ABCA8: variants seen among roughly 807,000 people sequenced by gnomAD.
ABCA8 encodes the protein ABC-type organic anion transporter ABCA8.
A neutral mutation model predicts 192.3 loss-of-function variants in ABCA8; 177 were observed. The observed-to-expected ratio is 0.92, with a 90% confidence interval of 0.81 to 1.04. ABCA8 has a LOEUF of 1.04. ABCA8 is among the 50% of genes least tolerant of loss of function. ABCA8 has a pLI of 0.00. For missense variants in ABCA8, 1,915 were observed against 1,904.8 expected, an observed-to-expected ratio of 1.01 and a Z score of -0.10; for synonymous variants, 642 against 690.2, an observed-to-expected ratio of 0.93 and a Z score of 1.09.
intron 17 of ABCA8, among the ~76,000 whole-genome samples, chr17:68,915,791 A>G (rs1413896367): frequency 1.3e-5 from 2 of 152,194 alleles, no homozygotes; most frequent in Non-Finnish European, 2.9e-5. Flanking sequence ...CCCCAAAGAA[A>G]GGAAATCAAT....
chr17:68,903,568 G>T, intron 19 of ABCA8, 69 bp from the exon 20 acceptor site: 2 of 1,479,570 alleles, frequency 1.4e-6, no homozygotes, highest in Non-Finnish European at 1.9e-6. Context: ...GCTCTGCTAA[G>T]CATCTCATGA....
In ABCA8 at chr17:68,875,826, A is replaced by G. The variant is rs1001501684; in HGVS notation, c.4371-93T>C. 26 of 1,403,078 alleles carry G rather than the reference A, an allele frequency of 1.9e-5. No homozygotes were observed. In the Admixed American group the frequency reaches 5.9e-4, roughly 32 times the overall value. 86.9% of individuals were successfully genotyped at this position (1,403,078 alleles called of 1,614,324 possible). ...GAATTTTTAACTGGCATGCGTGTGAATAATTAGCAAAAAGAGATTAAGTAA... is the reference window on the plus strand; with the variant it reads ...GAATTTTTAACTGGCATGCGTGTGAGTAATTAGCAAAAAGAGATTAAGTAA... On this transcript the variant is annotated intron_variant, in intron 35 of 39. Coordinates refer to ENST00000586539, the MANE Select transcript of ABCA8 (RefSeq NM_001288985.2).
At chr17:68,927,127 A>T (rs2067723538) in intron 10 of ABCA8, among the ~76,000 whole-genome samples, 1 of 152,070 alleles carries the variant, frequency 6.6e-6, no homozygotes, top group Non-Finnish European at 1.5e-5. Flanking sequence ...GGCGTGTGGC[A>T]CACATCTGTA....
Position 68,942,058 on chromosome 17 carries a change from A to AG in ABCA8, c.-5-20_-5-19insC. 2.6e-6 allele frequency: 4 copies of AG among 1,547,728 alleles called. No individual in the cohort carries two copies. Among genetic ancestry groups the AG allele is most frequent in the Non-Finnish European group, 3.5e-6 (4 of 1,131,864 alleles). On this transcript the variant is annotated intron_variant, in intron 2 of 39. Coordinates refer to ENST00000586539, the MANE Select transcript of ABCA8 (RefSeq NM_001288985.2). ...ATCTTGTCTTGTTTAATGAAAAAGAAAGAAGATAAAATTAATATGAAGTTC... is the reference window on the plus strand; with the variant it reads ...ATCTTGTCTTGTTTAATGAAAAAGAAGAGAAGATAAAATTAATATGAAGTTC...
Position 68,898,929 on chromosome 17 carries a change from A to G in ABCA8, c.2764+3784T>C, listed in dbSNP as rs2066834838. ...TACATTGGTACAATTATTACTCAGT[A>G]TGATTTCATATCTTTTAAAGAAGCT... On this transcript the variant is annotated intron_variant, in intron 21 of 39. Transcript: ENST00000586539. Among the ~76,000 whole-genome samples, 8 of 152,264 alleles carry G rather than the reference A, an allele frequency of 5.3e-5. No homozygotes were observed. The South Asian group carries it at 1.7e-3, about 32-fold the overall frequency.
chr17:68,877,703 G>A, intron 32 of ABCA8, 24 bp from the exon 33 acceptor site: 1 of 1,600,196 alleles, frequency 6.2e-7, no homozygotes. Context: ...TTCCCTCTCA[G>A]AACCTACCTT....
At chr17:68,885,060 C>A in intron 27 of ABCA8, 136 bp downstream of exon 27, 1 of 1,175,042 alleles carries the variant, frequency 8.5e-7, no homozygotes, top group Non-Finnish European at 1.2e-6. Context: ...GGGAGAAAAT[C>A]AATTGGATTC....
intron 7 of ABCA8, among the ~76,000 whole-genome samples, chr17:68,929,995 G>C (rs1436178512): frequency 6.8e-6 from 1 of 147,434 alleles, no homozygotes; most frequent in Non-Finnish European, 1.5e-5. Context: ...GGTGGGGGGG[G>C]AATTAGGTTT....
Position 68,922,229 on chromosome 17 carries a change from T to TAAATTTAAA in ABCA8, c.1501+12_1501+13insTTTAAATTT. On this transcript the variant is annotated intron_variant, in intron 12 of 39. Transcript: ENST00000586539. The stretch of plus-strand genomic sequence containing the variant: ...TTTTTTTTTTTTTTTTTTTTTTTTT[T>TAAATTTAAA]TTTTTTTTTTACCTTTCAAGGCTTC... The TAAATTTAAA allele has an allele frequency of 2.1e-6, 1 of 467,192 alleles. No homozygotes were observed. Among genetic ancestry groups the TAAATTTAAA allele is most frequent in the Non-Finnish European group, 3.0e-6 (1 of 328,242 alleles). The allele number at this position is 467,192 out of a possible 1,614,324, so 28.9% of individuals were successfully genotyped here.
At chr17:68,924,623 A>T (rs1350146167) in intron 11 of ABCA8, 78 bp downstream of exon 11, 16 of 1,494,730 alleles carry the variant, frequency 1.1e-5, no homozygotes, top group Non-Finnish European at 1.4e-5. Context: ...AGAGCACAAA[A>T]GGGAACACTG....
intron 1 of ABCA8, among the ~76,000 whole-genome samples, chr17:68,951,782 C>A (rs1038557744): frequency 7.9e-5 from 12 of 152,132 alleles, no homozygotes; most frequent in African/African-American, 2.9e-4. Flanking sequence ...TGTTGTTAAC[C>A]TTTTGCTGCA....
chr17:68,891,508 C>T lies in ABCA8; in HGVS notation c.3125G>A (p.Ser1042Asn), dbSNP rs567388528. ...TSSCPPYIAM[S>N]SIDDYKNRAR... ...TATTACCTTATAATCATCGATGCTG[C>T]TCATGGCAATGTAAGGTGGGCAACT... Residue 1042 changes from serine to asparagine, a missense_variant, in exon 24 of 40, where the codon AGC becomes AAC. Transcript: ENST00000586539. 2.5e-6 allele frequency: 4 copies of T among 1,612,208 alleles called. No individual in the cohort carries two copies. Among genetic ancestry groups the T allele is most frequent in the Non-Finnish European group, 3.4e-6 (4 of 1,179,004 alleles).
intron 2 of ABCA8, among the ~76,000 whole-genome samples, chr17:68,947,339 C>G (rs577133603): frequency 6.6e-6 from 1 of 152,062 alleles, no homozygotes; most frequent in Non-Finnish European, 1.5e-5. Context: ...TTTTTAAATA[C>G]TACTTAATTG....
intron 2 of ABCA8, among the ~76,000 whole-genome samples, chr17:68,946,033 C>T (rs1209718678): frequency 2.0e-5 from 3 of 150,754 alleles, no homozygotes; most frequent in Admixed American, 2.0e-4. Context: ...GTGACAGAAA[C>T]TGCTAGCTTT....
chr17:68,875,217 AGT>A lies in ABCA8; in HGVS notation c.4631+41_4631+42del, dbSNP rs747720372. Reference sequence around the variant, plus strand: ...TCACTCAACATAACTGACAAGTAACAGTGAACATTTGGTACCATTTCCAAAAC... The same window carrying A: ...TCACTCAACATAACTGACAAGTAACAGAACATTTGGTACCATTTCCAAAAC... On this transcript the variant is annotated intron_variant, in intron 37 of 39. Transcript: ENST00000586539. 15 of 1,609,976 alleles carry A rather than the reference AGT, an allele frequency of 9.3e-6. No individual in the cohort carries two copies. The African/African-American group carries it at 1.5e-4, about 16-fold the overall frequency.
intron 5 of ABCA8, among the ~76,000 whole-genome samples, chr17:68,934,587 CTTA>C (rs1018475267): frequency 6.6e-6 from 1 of 152,134 alleles, no homozygotes; most frequent in Admixed American, 6.5e-5. Context: ...GTCTAGCTAT[CTTA>C]TTATGACTAC....
intron 24 of ABCA8, among the ~76,000 whole-genome samples, chr17:68,887,925 T>TATGGATA: frequency 0.016 from 1,650 of 100,850 alleles, 107 homozygotes; most frequent in African/African-American, 0.054. Flanking sequence ...TATATATATA[T>TATGGATA]TATATATGGA....
chr17:68,869,038 C>G (rs531051761), intron 38 of ABCA8, among the ~76,000 whole-genome samples: 1 of 152,224 alleles, frequency 6.6e-6, no homozygotes, highest in South Asian at 2.1e-4. Context: ...TCAGACAATT[C>G]CTGATGCTCT....
At chr17:68,875,512 G>A in intron 36 of ABCA8, 102 bp downstream of exon 36, 4 of 1,589,086 alleles carry the variant, frequency 2.5e-6, no homozygotes, top group African/African-American at 1.3e-5. Context: ...TTAGACCTGG[G>A]CACAGTCATT....
Sources: gnomAD v4.1 joint callset for allele counts (sites outside exome capture counted in the v4.1 genomes callset) on GRCh38, gnomAD v4.1.1 for gene constraint, MANE v1.5 for transcripts, NCBI Gene and HGNC (gene_info 2026-07-23, HGNC 2026-07-21) for gene names.